Variants in RGS7BP observed in about 807,000 individuals in gnomAD.
The protein encoded by RGS7BP is regulator of G protein signaling 7-binding protein.
Under a neutral mutation model 31.3 loss-of-function variants are expected in RGS7BP, and 9 were observed. That is an observed-to-expected ratio of 0.29 (90% CI 0.17 to 0.50). The LOEUF is 0.50. RGS7BP is among the 20% of genes least tolerant of loss of function. RGS7BP has a pLI of 0.98. For synonymous variants in RGS7BP, 115 were observed against 120.1 expected (o/e 0.96, Z 0.28); for missense variants, 274 against 322.0 (o/e 0.85, Z 1.14).
intron 5 of RGS7BP, among the ~76,000 whole-genome samples, chr5:64,604,103 A>G (rs1009453588): frequency 2.6e-5 from 4 of 152,170 alleles, no homozygotes; most frequent in African/African-American, 9.6e-5. Flanking sequence ...CTCCTCCTTC[A>G]TAAGCCCTTC....
chr5:64,594,135 G>A (rs551101138), intron 3 of RGS7BP, among the ~76,000 whole-genome samples: 7 of 152,224 alleles, frequency 4.6e-5, no homozygotes, highest in African/African-American at 1.2e-4. Context: ...TGGTCTCAGC[G>A]GTGTAAGGCT....
intron 5 of RGS7BP, among the ~76,000 whole-genome samples, chr5:64,598,973 A>T (rs1385424227): frequency 1.3e-5 from 2 of 152,218 alleles, no homozygotes; most frequent in African/African-American, 4.8e-5. Flanking sequence ...GTAAGTAGAA[A>T]AACTGGGATG....
intron 2 of RGS7BP, among the ~76,000 whole-genome samples, chr5:64,516,730 C>G (rs756968055): frequency 1.3e-5 from 2 of 152,166 alleles, no homozygotes; most frequent in African/African-American, 4.8e-5. Context: ...CTGCATCTCC[C>G]AGGAGATTGT....
chr5:64,547,724 G>A (rs952413472), intron 2 of RGS7BP, among the ~76,000 whole-genome samples: 3 of 152,094 alleles, frequency 2.0e-5, no homozygotes, highest in Non-Finnish European at 4.4e-5. Flanking sequence ...TTAGAAAGAA[G>A]CAAATAGCTT....
intron 5 of RGS7BP, among the ~76,000 whole-genome samples, chr5:64,607,452 C>T (rs1419008356): frequency 1.3e-5 from 2 of 151,962 alleles, no homozygotes; most frequent in African/African-American, 4.8e-5. Context: ...TCGGTTTGGT[C>T]TGGAAAAGCG....
intron 2 of RGS7BP, among the ~76,000 whole-genome samples, chr5:64,557,941 A>G (rs1212947538): frequency 1.3e-5 from 2 of 152,172 alleles, no homozygotes; most frequent in Non-Finnish European, 2.9e-5. Flanking sequence ...TTTTTAAACA[A>G]GACACTTTTA....
chr5:64,597,178 G>A (rs987090733), intron 4 of RGS7BP, among the ~76,000 whole-genome samples: 6 of 152,150 alleles, frequency 3.9e-5, no homozygotes, highest in Admixed American at 6.6e-5. Flanking sequence ...CCATCTGGAC[G>A]TGTGTAGGGA....
intron 2 of RGS7BP, among the ~76,000 whole-genome samples, chr5:64,572,086 C>T (rs530474831): frequency 6.6e-6 from 1 of 152,190 alleles, no homozygotes; most frequent in South Asian, 2.1e-4. Flanking sequence ...ACGTGTTAGA[C>T]TAAACATAAG....
In RGS7BP at chr5:64,597,757, A is replaced by C. The variant is rs551715730; in HGVS notation, c.612-608A>C. On this transcript the variant is annotated intron_variant, in intron 4 of 5. Transcript: ENST00000334025. ...ACATCAGAGACTCAGAAGGGTGGGA[A>C]GGTGTGGGGGGTGAGAAAATACTCA... Among the ~76,000 whole-genome samples the C allele has an allele frequency of 3.3e-5, 5 of 151,926 alleles. No homozygotes were observed. In the South Asian group the frequency reaches 1.0e-3, roughly 32 times the overall value.
intron 3 of RGS7BP, among the ~76,000 whole-genome samples, chr5:64,578,895 C>T (rs890958928): frequency 1.3e-5 from 2 of 152,180 alleles, no homozygotes; most frequent in African/African-American, 4.8e-5. Flanking sequence ...TTAGTCCTCA[C>T]CCTAGACATA....
rs546561152 is a variant in RGS7BP at position 64,562,749 on chromosome 5, C to G, written c.333-13025C>G. Among the ~76,000 whole-genome samples the G allele has an allele frequency of 2.0e-5, 3 of 152,232 alleles. No individual in the cohort carries two copies. The South Asian group carries it at 6.2e-4, about 32-fold the overall frequency. ...ATCCATGGCCCATCCAGCACAACAC[C>G]GTTTCCAACAGTGAAACCAGGTGAG... On this transcript the variant is annotated intron_variant, in intron 2 of 5. Coordinates refer to ENST00000334025, the MANE Select transcript of RGS7BP (RefSeq NM_001029875.3).
intron 2 of RGS7BP, among the ~76,000 whole-genome samples, chr5:64,574,972 T>C (rs534083383): frequency 6.6e-6 from 1 of 152,310 alleles, no homozygotes; most frequent in East Asian, 1.9e-4. Flanking sequence ...TTTGATTTGT[T>C]TTATTCAACA....
intron 3 of RGS7BP, among the ~76,000 whole-genome samples, chr5:64,593,862 C>T (rs570708497): frequency 1.1e-3 from 169 of 152,244 alleles, no homozygotes; most frequent in African/African-American, 3.8e-3. Flanking sequence ...TTCCATGATA[C>T]TAGGATACCC....
intron 2 of RGS7BP, among the ~76,000 whole-genome samples, chr5:64,542,042 A>C (rs968935114): frequency 2.8e-4 from 43 of 152,270 alleles, no homozygotes; most frequent in African/African-American, 1.0e-3. Flanking sequence ...ACGAATTTTC[A>C]CAGCGCTATT....
intron 2 of RGS7BP, among the ~76,000 whole-genome samples, chr5:64,543,591 A>C (rs1335410310): frequency 6.6e-6 from 1 of 152,262 alleles, no homozygotes; most frequent in Non-Finnish European, 1.5e-5. Flanking sequence ...CTTTGGACTA[A>C]TCCGTTAGGG....
intron 2 of RGS7BP, among the ~76,000 whole-genome samples, chr5:64,511,123 A>G (rs1037020730): frequency 3.3e-5 from 5 of 152,242 alleles, no homozygotes; most frequent in Admixed American, 6.5e-5. Flanking sequence ...CTAATGCTAC[A>G]TACCTTTCAT....
intron 2 of RGS7BP, among the ~76,000 whole-genome samples, chr5:64,540,854 A>G (rs1741510132): frequency 6.6e-6 from 1 of 152,206 alleles, no homozygotes; most frequent in African/African-American, 2.4e-5. Context: ...AGCCTCAACC[A>G]GGCCAAGGGG....
chr5:64,515,204 C>A (rs1289060531), intron 2 of RGS7BP, among the ~76,000 whole-genome samples: 1 of 152,124 alleles, frequency 6.6e-6, no homozygotes, highest in South Asian at 2.1e-4. Context: ...TGTCTTGATA[C>A]CAACTTTAGT....
intron 2 of RGS7BP, among the ~76,000 whole-genome samples, chr5:64,519,265 G>A (rs976479267): frequency 1.4e-4 from 21 of 152,126 alleles, no homozygotes; most frequent in African/African-American, 4.1e-4. Context: ...CTCTTAGTTC[G>A]TTTGTTCCTT....
Sources: allele counts gnomAD v4.1 joint callset (sites outside exome capture counted in the v4.1 genomes callset), GRCh38; gene constraint gnomAD v4.1.1; transcripts MANE v1.5; gene names NCBI Gene and HGNC (gene_info 2026-07-23, HGNC 2026-07-21).